The following RSPO2 variants were observed in gnomAD, a reference collection of about 807,000 sequenced individuals.
The protein encoded by RSPO2 is R-spondin 2.
Under a neutral mutation model 30.9 loss-of-function variants are expected in RSPO2, and 14 were observed. That is an observed-to-expected ratio of 0.45 (90% CI 0.30 to 0.71). RSPO2 has a LOEUF of 0.71. Ranked by LOEUF, RSPO2 falls within the 30% of genes least tolerant of loss-of-function variation. The pLI, the probability that RSPO2 is intolerant of heterozygous loss-of-function variation, is 0.08. For missense variants in RSPO2, 264 were observed against 301.9 expected, an observed-to-expected ratio of 0.87 and a Z score of 0.93; for synonymous variants, 107 against 96.4, an observed-to-expected ratio of 1.11 and a Z score of -0.64.
intron 5 of RSPO2, among the ~76,000 whole-genome samples, chr8:107,929,656 G>C (rs947298572): frequency 9.2e-5 from 14 of 151,972 alleles, no homozygotes; most frequent in Non-Finnish European, 8.8e-5. Flanking sequence ...CAAAATTGCT[G>C]AAGGATACTT....
At chr8:108,009,106 C>A (rs756064631) in intron 2 of RSPO2, among the ~76,000 whole-genome samples, 4 of 152,040 alleles carry the variant, frequency 2.6e-5, no homozygotes, top group African/African-American at 4.8e-5. Context: ...ATGATTTTAA[C>A]AATTGGTAAG....
chr8:107,970,066 T>A (rs1237551226), intron 3 of RSPO2, among the ~76,000 whole-genome samples: 1 of 152,106 alleles, frequency 6.6e-6, no homozygotes, highest in Non-Finnish European at 1.5e-5. Flanking sequence ...CTCTTTATAC[T>A]CCAAATAGGC....
intron 2 of RSPO2, among the ~76,000 whole-genome samples, chr8:108,065,019 T>C (rs2130712694): frequency 6.6e-6 from 1 of 151,638 alleles, no homozygotes; most frequent in Middle Eastern, 3.4e-3. Context: ...CGGGGCCTGT[T>C]GTGGGGTGGG....
At chr8:108,059,950 T>C (rs1812396104) in intron 2 of RSPO2, among the ~76,000 whole-genome samples, 1 of 150,934 alleles carries the variant, frequency 6.6e-6, no homozygotes, top group Non-Finnish European at 1.5e-5. Flanking sequence ...CATGTATACA[T>C]ATGTAACAAA....
intron 2 of RSPO2, among the ~76,000 whole-genome samples, chr8:108,061,891 C>T (rs1203096921): frequency 8.6e-5 from 13 of 152,008 alleles, no homozygotes; most frequent in South Asian, 4.1e-4. Context: ...TCACTCAAAA[C>T]CGCTCAACTA....
At chr8:107,976,364 T>G (rs1814211270) in intron 3 of RSPO2, among the ~76,000 whole-genome samples, 1 of 152,220 alleles carries the variant, frequency 6.6e-6, no homozygotes, top group East Asian at 1.9e-4. Flanking sequence ...CTCTCCATAC[T>G]GTGTGTCCTT....
Position 107,901,138 on chromosome 8 carries a change from CTTCCTT to C in RSPO2, c.663_668del (p.Arg222_Lys223del). 2 of 1,614,100 alleles carry C rather than the reference CTTCCTT, an allele frequency of 1.2e-6. No individual in the cohort carries two copies. The highest frequency in any genetic ancestry group is 1.7e-6 in the Non-Finnish European group (2 of 1,179,972). ...GTTGCTCCTGGGCCCTTTCTATCAG[CTTCCTT>C]TTCTTTTTCTTGTTCCTCTTCTCCT... On this transcript the variant is annotated inframe_deletion, in exon 6 of 6. Coordinates refer to ENST00000276659, the MANE Select transcript of RSPO2 (RefSeq NM_178565.5).
intron 2 of RSPO2, among the ~76,000 whole-genome samples, chr8:108,018,436 C>T (rs1376918584): frequency 6.6e-6 from 1 of 152,216 alleles, no homozygotes; most frequent in Non-Finnish European, 1.5e-5. Context: ...ACCAGCTTAA[C>T]TGAGACCACA....
At chr8:107,979,073 A>G (rs898123005) in intron 3 of RSPO2, among the ~76,000 whole-genome samples, 1 of 152,220 alleles carries the variant, frequency 6.6e-6, no homozygotes, top group East Asian at 1.9e-4. Context: ...ACACTTTTAC[A>G]TTGTTGGTGG....
chr8:107,980,609 T>C (rs1438656633), intron 3 of RSPO2, among the ~76,000 whole-genome samples: 1 of 152,210 alleles, frequency 6.6e-6, no homozygotes, highest in Admixed American at 6.5e-5. Context: ...TTACCTTTAG[T>C]TGGTCAACAT....
At chr8:107,933,453 T>C (rs1586556789) in intron 5 of RSPO2, among the ~76,000 whole-genome samples, 1 of 152,178 alleles carries the variant, frequency 6.6e-6, no homozygotes, top group East Asian at 1.9e-4. Context: ...TTTATATATA[T>C]AAATTTATCA....
chr8:107,969,452 T>C (rs925375401), intron 3 of RSPO2, among the ~76,000 whole-genome samples: 2 of 152,162 alleles, frequency 1.3e-5, no homozygotes, highest in Admixed American at 6.5e-5. Context: ...ACTGTGATAT[T>C]TGAATGTTTA....
intron 2 of RSPO2, among the ~76,000 whole-genome samples, chr8:108,006,748 C>G (rs1211093589): frequency 6.6e-6 from 1 of 152,088 alleles, no homozygotes; most frequent in Non-Finnish European, 1.5e-5. Context: ...AAACACCTTA[C>G]CTGGTGTAAG....
Position 107,900,704 on chromosome 8 carries a change from A to G in RSPO2, c.*371T>C, listed in dbSNP as rs978465192. ...TGAAAATGCACAATGTGAGAAATAA[A>G]GGTCACGAGTGAGTAGCGCATTGCC... is the stretch of plus-strand genomic sequence containing the variant. On this transcript the variant is annotated 3_prime_UTR_variant, in exon 6 of 6. Coordinates refer to ENST00000276659, the MANE Select transcript of RSPO2 (RefSeq NM_178565.5). 1 of 173,642 alleles carries G rather than the reference A, an allele frequency of 5.8e-6. No individual in the cohort carries two copies. The highest frequency in any genetic ancestry group is 2.4e-5 in the African/African-American group (1 of 42,270). The allele number at this position is 173,642 out of a possible 1,614,324, so 10.8% of individuals were successfully genotyped here.
rs989456495 is a variant in RSPO2, at chr8:107,986,122, T to C, written c.283+2934A>G. On this transcript the variant is annotated intron_variant, in intron 3 of 5. Transcript: ENST00000276659. Reference sequence around the variant, plus strand: ...TGGATATCATTTCAAATTCTAAGTCTGTGACAGCTTTTCCAATTTAAATCT... The same window carrying C: ...TGGATATCATTTCAAATTCTAAGTCCGTGACAGCTTTTCCAATTTAAATCT... Among the ~76,000 whole-genome samples, 5 of 152,198 alleles carry C rather than the reference T, an allele frequency of 3.3e-5. No individual in the cohort carries two copies. In the South Asian group the frequency reaches 1.0e-3, roughly 31 times the overall value.
intron 5 of RSPO2, among the ~76,000 whole-genome samples, chr8:107,914,867 T>A (rs955593892): frequency 6.6e-6 from 1 of 152,082 alleles, no homozygotes; most frequent in Non-Finnish European, 1.5e-5. Context: ...AGAAAAAAAA[T>A]TAAATTCCAG....
intron 5 of RSPO2, 75 bp from the exon 6 acceptor site, chr8:107,901,265 G>C (rs1811454201): frequency 1.3e-6 from 2 of 1,499,440 alleles, no homozygotes; most frequent in Non-Finnish European, 1.8e-6. Flanking sequence ...AAAATATTGG[G>C]AGTTTTGCAC....
intron 2 of RSPO2, among the ~76,000 whole-genome samples, chr8:108,050,724 A>C (rs1812055159): frequency 6.6e-6 from 1 of 152,200 alleles, no homozygotes. Context: ...CAAATGTTGA[A>C]CAGGACCTGA....
chr8:108,018,661 C>T (rs895142190), intron 2 of RSPO2, among the ~76,000 whole-genome samples: 2 of 152,052 alleles, frequency 1.3e-5, no homozygotes, highest in Non-Finnish European at 2.9e-5. Flanking sequence ...TAAATAGGAA[C>T]AGAAAAGCAG....
Sources: allele counts gnomAD v4.1 joint callset (sites outside exome capture counted in the v4.1 genomes callset), GRCh38; gene constraint gnomAD v4.1.1; transcripts MANE v1.5; gene names NCBI Gene and HGNC (gene_info 2026-07-23, HGNC 2026-07-21).